SIK3: variants seen among roughly 807,000 people sequenced by gnomAD.
SIK3 encodes the protein SIK family kinase 3.
In SIK3, 28 loss-of-function variants were observed where a neutral mutation model predicts 144.2. The ratio of observed to expected loss-of-function variants is 0.19; its 90% confidence interval spans 0.14 to 0.27. The LOEUF is 0.27. SIK3 is among the 10% of genes least tolerant of loss of function. The probability of loss-of-function intolerance (pLI) is 1.00; values close to 1 mark genes in which losing one functional copy is unlikely to be tolerated. For synonymous variants in SIK3, 686 were observed against 676.3 expected, an observed-to-expected ratio of 1.01 and a Z score of -0.22; for missense variants, 1,319 against 1,776.0, an observed-to-expected ratio of 0.74 and a Z score of 4.62.
chr11:117,040,948 C>CTTTTT (rs369066520), intron 1 of SIK3, among the ~76,000 whole-genome samples: 5 of 116,828 alleles, frequency 4.3e-5, no homozygotes, highest in Admixed American at 8.5e-5. Context: ...TACCTGCCTC[C>CTTTTT]TTTTTTTTTT....
rs973892695 is a variant in SIK3, at chr11:116,862,452, T to C, written c.2104-125A>G. On this transcript the variant is annotated intron_variant, in intron 16 of 24. Transcript: ENST00000445177. ...AAGAGCCGCAAGAGAACAGTGTCCT[T>C]GATGAGCAATTAACTCATTTACCTA... 9 of 1,198,038 alleles carry C rather than the reference T, an allele frequency of 7.5e-6. No homozygotes were observed. The African/African-American group carries it at 9.1e-5, about 12-fold the overall frequency. The allele number at this position is 1,198,038 out of a possible 1,614,324, so 74.2% of individuals were successfully genotyped here.
At chr11:116,906,062 C>G (rs1417284288) in intron 4 of SIK3, among the ~76,000 whole-genome samples, 1 of 152,102 alleles carries the variant, frequency 6.6e-6, no homozygotes, top group Non-Finnish European at 1.5e-5. Flanking sequence ...TTGAGAGCCA[C>G]ACTTACAGGC....
intron 1 of SIK3, among the ~76,000 whole-genome samples, chr11:117,081,982 T>C (rs1278092570): frequency 6.6e-6 from 1 of 152,178 alleles, no homozygotes; most frequent in Admixed American, 6.5e-5. Flanking sequence ...CAAAGGATGT[T>C]AATAGACATT....
intron 3 of SIK3, among the ~76,000 whole-genome samples, chr11:116,946,330 AG>A (rs1368767151): frequency 5.3e-5 from 8 of 152,162 alleles, no homozygotes; most frequent in Non-Finnish European, 7.3e-5. Flanking sequence ...GGCAGAAGAT[AG>A]GAAACCCCTC....
chr11:116,931,784 C>A (rs1947616586), intron 3 of SIK3, among the ~76,000 whole-genome samples: 1 of 152,210 alleles, frequency 6.6e-6, no homozygotes, highest in Non-Finnish European at 1.5e-5. Context: ...ACAAACGCTT[C>A]TTTCCAAAAA....
chr11:116,956,415 T>C (rs1949141418), intron 2 of SIK3, among the ~76,000 whole-genome samples: 1 of 151,916 alleles, frequency 6.6e-6, no homozygotes, highest in South Asian at 2.1e-4. Flanking sequence ...ATTATCAAAA[T>C]AATTACTACC....
chr11:116,848,389 T>C (rs1942169976), intron 22 of SIK3, among the ~76,000 whole-genome samples: 1 of 152,116 alleles, frequency 6.6e-6, no homozygotes. Context: ...CTGGTGTGAC[T>C]GAGGAACTGA....
chr11:116,880,420 C>T (rs1188714957), intron 6 of SIK3, among the ~76,000 whole-genome samples: 1 of 152,102 alleles, frequency 6.6e-6, no homozygotes, highest in Non-Finnish European at 1.5e-5. Context: ...TGTCTACAGG[C>T]CCCAGATTAA....
chr11:116,981,986 C>T (rs2135516092), intron 1 of SIK3, among the ~76,000 whole-genome samples: 1 of 152,336 alleles, frequency 6.6e-6, no homozygotes, highest in African/African-American at 2.4e-5. Flanking sequence ...AATCTGACTG[C>T]AAATCTTTGA....
intron 1 of SIK3, chr11:117,036,184 A>T (rs1952492233): frequency 2.2e-6 from 1 of 446,816 alleles, no homozygotes; most frequent in Non-Finnish European, 3.9e-6. Context: ...GCCTCCCAAA[A>T]TGTTGGGATT....
chr11:117,034,877 A>G (rs1447907229), intron 1 of SIK3, among the ~76,000 whole-genome samples: 1 of 152,252 alleles, frequency 6.6e-6, no homozygotes, highest in Non-Finnish European at 1.5e-5. Flanking sequence ...TTTGGTTAAC[A>G]AGAAATTCCT....
intron 1 of SIK3, among the ~76,000 whole-genome samples, chr11:117,047,218 T>C (rs888925811): frequency 9.2e-5 from 14 of 152,220 alleles, no homozygotes; most frequent in Non-Finnish European, 1.6e-4. Context: ...ACATAAAAAG[T>C]AATTTCCTTT....
chr11:117,083,903 G>C (rs1954895422), intron 1 of SIK3, among the ~76,000 whole-genome samples: 1 of 152,150 alleles, frequency 6.6e-6, no homozygotes, highest in African/African-American at 2.4e-5. Flanking sequence ...AAAGAGTTTG[G>C]CCAGTTTCTT....
chr11:117,075,573 G>T, intron 1 of SIK3, among the ~76,000 whole-genome samples: 1 of 143,630 alleles, frequency 7.0e-6, no homozygotes, highest in African/African-American at 2.6e-5. Flanking sequence ...AGGAATCTCA[G>T]CTCTGCTGCC....
intron 1 of SIK3, among the ~76,000 whole-genome samples, chr11:117,016,605 G>T (rs1951553629): frequency 6.6e-6 from 1 of 152,132 alleles, no homozygotes; most frequent in Non-Finnish European, 1.5e-5. Flanking sequence ...TCTGACACCA[G>T]GAGTTCAAGA....
At chr11:117,038,948 G>A (rs1313505048) in intron 1 of SIK3, among the ~76,000 whole-genome samples, 1 of 152,012 alleles carries the variant, frequency 6.6e-6, no homozygotes, top group African/African-American at 2.4e-5. Flanking sequence ...TACTCGGGAG[G>A]CTGAGGCAGG....
intron 4 of SIK3, among the ~76,000 whole-genome samples, chr11:116,906,610 G>A (rs1040722819): frequency 3.0e-4 from 46 of 152,266 alleles, no homozygotes; most frequent in African/African-American, 1.0e-3. Flanking sequence ...CAAGGAAGCC[G>A]AGAGAGCAGA....
chr11:116,846,585 C>G lies in SIK3; in HGVS notation c.3953-32G>C. The G allele has an allele frequency of 6.2e-7, 1 of 1,613,110 alleles. No homozygotes were observed. The highest frequency in any genetic ancestry group is 1.3e-5 in the African/African-American group (1 of 75,004). ...GACCAAAAAGAACGTATGAGGTTGG[C>G]AGGGAACTGGGGGACTAGGAGAGCA... On this transcript the variant is annotated intron_variant, in intron 23 of 24. Transcript: ENST00000445177. This position sits in a 1 kb window ranked among gnomAD's most constrained non-coding sequence, Gnocchi z 4.1.
chr11:116,982,801 G>A (rs1308300785), intron 1 of SIK3, among the ~76,000 whole-genome samples: 2 of 151,672 alleles, frequency 1.3e-5, no homozygotes, highest in African/African-American at 4.8e-5. Context: ...AAAATTAGCT[G>A]AGCATGGTGG....
Sources: gnomAD v4.1 joint callset for allele counts (sites outside exome capture counted in the v4.1 genomes callset) on GRCh38, gnomAD v4.1.1 for gene constraint, Gnocchi (gnomAD v3.1) non-coding constraint, MANE v1.5 for transcripts, NCBI Gene and HGNC (gene_info 2026-07-23, HGNC 2026-07-21) for gene names.